RNF130: variants seen among roughly 807,000 people sequenced by gnomAD.
RNF130 encodes E3 ubiquitin-protein ligase RNF130.
In RNF130, 21 loss-of-function variants were observed where a neutral mutation model predicts 44.6. The observed-to-expected ratio is 0.47, with a 90% CI of 0.33 to 0.68. The LOEUF is 0.68. RNF130 is among the 30% of genes least tolerant of loss of function. RNF130 has a pLI of 0.02. For missense variants in RNF130, 479 were observed against 560.6 expected (o/e 0.85, Z 1.47); for synonymous variants, 214 against 210.4 (o/e 1.02, Z -0.15).
chr5:180,021,742 G>A (rs919594472), intron 2 of RNF130, among the ~76,000 whole-genome samples: 4 of 152,114 alleles, frequency 2.6e-5, no homozygotes, highest in East Asian at 3.9e-4. Context: ...CATCACCCCC[G>A]AATATGTGGT....
intron 3 of RNF130, among the ~76,000 whole-genome samples, chr5:180,004,364 T>C (rs939216525): frequency 2.0e-5 from 3 of 152,134 alleles, no homozygotes; most frequent in Non-Finnish European, 4.4e-5. Context: ...ATGTTAGAAA[T>C]GACAAAACCA....
chr5:179,925,591 C>T (rs1156364520), intron 7 of RNF130, among the ~76,000 whole-genome samples: 2 of 152,032 alleles, frequency 1.3e-5, no homozygotes, highest in Admixed American at 6.6e-5. Context: ...TGCAGTGGTG[C>T]GATCCTAGCT....
intron 3 of RNF130, among the ~76,000 whole-genome samples, chr5:179,992,703 G>A (rs566092442): frequency 1.3e-5 from 2 of 151,902 alleles, no homozygotes; most frequent in Admixed American, 1.3e-4. Context: ...GTTGAAGTGG[G>A]ATTATTTTTT....
intron 4 of RNF130, 72 bp downstream of exon 4, chr5:179,980,057 G>A: frequency 4.1e-6 from 5 of 1,233,452 alleles, no homozygotes; most frequent in Non-Finnish European, 6.0e-6. Flanking sequence ...ATTAGGGTGT[G>A]TCCTCTCCCA....
chr5:179,989,198 C>A (rs1279567061), intron 3 of RNF130, among the ~76,000 whole-genome samples: 1 of 152,228 alleles, frequency 6.6e-6, no homozygotes, highest in Non-Finnish European at 1.5e-5. Context: ...TGTGAGAACT[C>A]ACTCTCTATC....
At chr5:179,984,260 T>C (rs1762903515) in intron 3 of RNF130, among the ~76,000 whole-genome samples, 1 of 152,202 alleles carries the variant, frequency 6.6e-6, no homozygotes, top group Admixed American at 6.5e-5. Flanking sequence ...ACAATGGATG[T>C]CTTTTACGTC....
At chr5:179,970,745 CT>C (rs1437062787) in intron 5 of RNF130, among the ~76,000 whole-genome samples, 3 of 152,070 alleles carry the variant, frequency 2.0e-5, no homozygotes, top group Non-Finnish European at 2.9e-5. Flanking sequence ...TTGTTTGGGC[CT>C]TTTATTTTAC....
At chr5:179,934,954 C>T (rs1209222283) in intron 7 of RNF130, among the ~76,000 whole-genome samples, 1 of 152,062 alleles carries the variant, frequency 6.6e-6, no homozygotes, top group Non-Finnish European at 1.5e-5. Context: ...ACAAATGCTT[C>T]GAACTTTTCG....
intron 8 of RNF130, among the ~76,000 whole-genome samples, chr5:179,960,205 C>T (rs972645770): frequency 6.6e-6 from 1 of 152,136 alleles, no homozygotes; most frequent in Non-Finnish European, 1.5e-5. Context: ...ACCTCGCTTA[C>T]CTAGGTACTA....
intron 3 of RNF130, among the ~76,000 whole-genome samples, chr5:180,007,868 T>A (rs773839904): frequency 2.0e-5 from 3 of 152,130 alleles, no homozygotes; most frequent in Non-Finnish European, 4.4e-5. Context: ...GTCCTCAGGG[T>A]GAGCTACACC....
chr5:180,050,964 T>G (rs1471431029), intron 1 of RNF130, among the ~76,000 whole-genome samples: 1 of 152,040 alleles, frequency 6.6e-6, no homozygotes, highest in African/African-American at 2.4e-5. Context: ...CCACCATGCC[T>G]GGCTAATTTT....
At position 180,013,202 on chromosome 5, in the gene RNF130, T is replaced by C. The variant is rs987360172; in HGVS notation, c.552A>G (p.Arg184=). ...CACGGCTGAAGTTCTTCGGTGGCAT[T>C]CGAGTTCCAACAGCTATTGTCATTT... The part of the protein sequence containing the change: ...SVQMTIAVGT[R]MPPKNFSRGS... Residue 184 remains arginine, a synonymous_variant, in exon 3 of 9, where the codon CGA becomes CGG. Transcript: ENST00000521389. 1.2e-6 allele frequency: 2 copies of C among 1,614,226 alleles called. No homozygotes were observed. The highest frequency in any genetic ancestry group is 8.5e-7 in the Non-Finnish European group (1 of 1,180,040).
At chr5:179,980,356 G>C (rs1273207755) in intron 3 of RNF130, 156 bp from the exon 4 acceptor site, 1 of 631,218 alleles carries the variant, frequency 1.6e-6, no homozygotes, top group African/African-American at 1.8e-5. Context: ...AATGGTGGCT[G>C]TATCAAGATT....
exon 8 of RNF130, chr5:179,918,236 T>C (rs1057196225): frequency 1.3e-5 from 2 of 152,176 alleles, no homozygotes; most frequent in African/African-American, 4.8e-5. Flanking sequence ...CTACCGTGAA[T>C]GTGTGCCCCA....
exon 8 of RNF130, chr5:179,917,580 C>G (rs960664741): frequency 6.6e-6 from 1 of 152,330 alleles, no homozygotes; most frequent in South Asian, 2.1e-4. Context: ...GCCCATGTGG[C>G]GACGTGTGTC....
intron 8 of RNF130, among the ~76,000 whole-genome samples, chr5:179,961,124 C>A (rs79156819): frequency 6.7e-6 from 1 of 148,818 alleles, no homozygotes; most frequent in Non-Finnish European, 1.5e-5. Flanking sequence ...AAAAAAAAAA[C>A]ACAACACATA....
chr5:180,051,314 AT>A (rs1385126516), intron 1 of RNF130, among the ~76,000 whole-genome samples: 1 of 151,338 alleles, frequency 6.6e-6, no homozygotes, highest in Non-Finnish European at 1.5e-5. Flanking sequence ...CAGTGGTGCG[AT>A]CTCGGCTCAC....
exon 8 of RNF130, chr5:179,918,777 C>T (rs1009454981): frequency 1.3e-5 from 2 of 152,172 alleles, no homozygotes; most frequent in African/African-American, 2.4e-5. Flanking sequence ...TGAGCGAAAA[C>T]GAAATGCCGC....
At chr5:179,931,796 T>C (rs1761811798) in intron 7 of RNF130, among the ~76,000 whole-genome samples, 1 of 146,298 alleles carries the variant, frequency 6.8e-6, no homozygotes, top group African/African-American at 2.6e-5. Context: ...ACAACAAAAC[T>C]ACAGTACAAA....
Sources: gnomAD v4.1 joint callset for allele counts (sites outside exome capture counted in the v4.1 genomes callset) on GRCh38, gnomAD v4.1.1 for gene constraint, MANE v1.5 for transcripts, NCBI Gene and HGNC (gene_info 2026-07-23, HGNC 2026-07-21) for gene names.